Variants in RELN observed in about 807,000 individuals in gnomAD.
RELN encodes the protein reelin.
A neutral mutation model predicts 427.6 loss-of-function variants in RELN; 108 were observed. The ratio of observed to expected loss-of-function variants is 0.25; its 90% CI spans 0.22 to 0.30. The LOEUF (loss-of-function observed/expected upper bound fraction) is 0.30, where lower values mean the gene tolerates loss of function less well. RELN is among the 10% of genes least tolerant of loss of function. RELN has a pLI of 1.00. For missense variants in RELN, 3,715 were observed against 4,302.8 expected, an observed-to-expected ratio of 0.86 and a Z score of 3.82; for synonymous variants, 1,524 against 1,513.4, an observed-to-expected ratio of 1.01 and a Z score of -0.16.
At chr7:103,499,608 T>TA (rs1209746894) in intron 53 of RELN, among the ~76,000 whole-genome samples, 1 of 152,232 alleles carries the variant, frequency 6.6e-6, no homozygotes, top group African/African-American at 2.4e-5. Context: ...ACTTAGAAGA[T>TA]AATCAATTCT....
At chr7:103,785,668 A>T (rs262355) in intron 3 of RELN, among the ~76,000 whole-genome samples, 102,075 of 151,928 alleles carry the variant, frequency 0.67, 34,555 homozygotes, top group Middle Eastern at 0.74. Flanking sequence ...ACCACAGCTC[A>T]ATGATTTATG....
At chr7:103,833,824 G>GAAAT (rs1793333013) in intron 2 of RELN, 152 bp from the exon 3 acceptor site, 1 of 740,476 alleles carries the variant, frequency 1.4e-6, no homozygotes, top group Non-Finnish European at 2.3e-6. Context: ...ACTTTTTATT[G>GAAAT]CTACAGGGAA....
At chr7:103,813,681 T>C (rs1006455818) in intron 3 of RELN, among the ~76,000 whole-genome samples, 2 of 152,140 alleles carry the variant, frequency 1.3e-5, no homozygotes, top group African/African-American at 4.8e-5. Context: ...TCTTATGCCA[T>C]GAGCATAGCA....
At chr7:103,782,287 A>G (rs528604796) in intron 3 of RELN, among the ~76,000 whole-genome samples, 2 of 152,178 alleles carry the variant, frequency 1.3e-5, no homozygotes, top group African/African-American at 4.8e-5. Flanking sequence ...AAAGCATTTA[A>G]GAATTAAGCG....
In RELN at chr7:103,988,511, A is replaced by G. The variant is rs1294809639; in HGVS notation, c.226+620T>C. Among the ~76,000 whole-genome samples, 1 of 152,256 alleles carries G rather than the reference A, an allele frequency of 6.6e-6. No homozygotes were observed. Among genetic ancestry groups the G allele is most frequent in the Non-Finnish European group, 1.5e-5 (1 of 68,046 alleles). On this transcript the variant is annotated intron_variant, in intron 1 of 64. Coordinates refer to ENST00000428762, the MANE Select transcript of RELN (RefSeq NM_005045.4). This position sits in a 1 kb window ranked among gnomAD's most constrained non-coding sequence, Gnocchi z 4.9. ...AAGGCAGGAATCAGAAAAATCATCAATTACTGACATATTAAATCACACTTT... is the reference window on the plus strand; with the variant it reads ...AAGGCAGGAATCAGAAAAATCATCAGTTACTGACATATTAAATCACACTTT...
In RELN at chr7:103,649,125, A is replaced by G. The variant is rs147944043; in HGVS notation, c.2002+1149T>C. 2.6e-5 allele frequency among the ~76,000 whole-genome samples: 4 copies of G among 152,140 alleles called. No homozygotes were observed. The East Asian group carries it at 7.7e-4, about 29-fold the overall frequency. ...AAAAGAAACCAGTATATTAAAGGGA[A>G]ACCTTTACTTGTATGTTTATTGCAG... On this transcript the variant is annotated intron_variant, in intron 16 of 64. Transcript: ENST00000428762.
rs548455401 is a variant in RELN, at chr7:103,968,489, GA to G, written c.226+20641del. ...GTGGCCTATGAGAAATTAGGGGACA[GA>G]AAAAAAAATAAAAGTATGAAAGAAA... On this transcript the variant is annotated intron_variant, in intron 1 of 64. Transcript: ENST00000428762. This position sits in a 1 kb window ranked among gnomAD's most constrained non-coding sequence, Gnocchi z 4.3. Among the ~76,000 whole-genome samples, 3 of 149,138 alleles carry G rather than the reference GA, an allele frequency of 2.0e-5. No homozygotes were observed. Among genetic ancestry groups the G allele is most frequent in the African/African-American group, 2.5e-5 (1 of 40,544 alleles).
At chr7:103,915,034 T>C (rs1000571937) in intron 2 of RELN, among the ~76,000 whole-genome samples, 1 of 152,158 alleles carries the variant, frequency 6.6e-6, no homozygotes, top group Non-Finnish European at 1.5e-5. Flanking sequence ...ATATCCTGAA[T>C]GGTCTGGCTC....
intron 28 of RELN, among the ~76,000 whole-genome samples, chr7:103,585,889 G>A (rs1214576513): frequency 1.3e-5 from 2 of 152,120 alleles, no homozygotes; most frequent in African/African-American, 4.8e-5. Flanking sequence ...ATGGATGTAA[G>A]GATAGTTCAA....
intron 3 of RELN, among the ~76,000 whole-genome samples, chr7:103,802,932 T>C (rs1792504945): frequency 6.6e-6 from 1 of 152,150 alleles, no homozygotes. Flanking sequence ...TCACATGAAG[T>C]AAATCAACAG....
intron 8 of RELN, among the ~76,000 whole-genome samples, chr7:103,721,711 C>A (rs1790081227): frequency 6.6e-6 from 1 of 152,078 alleles, no homozygotes; most frequent in African/African-American, 2.4e-5. Flanking sequence ...CTCTTGTGTT[C>A]TTTAATTGCT....
At chr7:103,522,852 C>CAGACACACACACACACAT (rs1554369904) in intron 47 of RELN, among the ~76,000 whole-genome samples, 2 of 150,488 alleles carry the variant, frequency 1.3e-5, no homozygotes, top group African/African-American at 2.4e-5. Flanking sequence ...CACACACACA[C>CAGACACACACACACACAT]CCCCACACCT....
intron 1 of RELN, among the ~76,000 whole-genome samples, chr7:103,945,696 A>G (rs1478783028): frequency 3.3e-5 from 5 of 152,218 alleles, no homozygotes; most frequent in Admixed American, 6.5e-5. Context: ...TTTGAGTACA[A>G]TCAAGAGCCA....
rs1364895462 is a variant in RELN at position 103,835,291 on chromosome 7, G to T, written c.338-1619C>A. Among the ~76,000 whole-genome samples the T allele has an allele frequency of 2.2e-4, 33 of 152,238 alleles. 1 individual carries two copies. The highest frequency in any genetic ancestry group is 4.4e-5 in the Non-Finnish European group (3 of 68,040). On this transcript the variant is annotated intron_variant, in intron 2 of 64. Transcript: ENST00000428762. ...AGATCAGGAGTTGCCAGGAGTTAAA[G>T]AGGGAGGTAGGATGAACAGAAAGGG...
intron 24 of RELN, among the ~76,000 whole-genome samples, chr7:103,602,293 C>T (rs1467465364): frequency 6.6e-6 from 1 of 152,042 alleles, no homozygotes; most frequent in Non-Finnish European, 1.5e-5. Flanking sequence ...CTTCAAAAAT[C>T]ACTAGAAATA....
In RELN at chr7:103,603,309, T is replaced by G. The variant is rs757668683; in HGVS notation, c.3328A>C (p.Ser1110Arg). 2.5e-6 allele frequency: 4 copies of G among 1,613,536 alleles called. No homozygotes were observed. The African/African-American group carries it at 4.0e-5, about 16-fold the overall frequency. ...VISSGSSLYF[S>R]KAGKRQLVSW... The stretch of plus-strand genomic sequence containing the variant: ...ATCCCAGCTGTTGGTCATACCTTGC[T>G]GAAGTACAGAGATGATCCAGAAGAG... Residue 1110 changes from serine (S) to arginine (R), a missense_variant, in exon 24 of 65, where the codon AGC becomes CGC. This residue lies in a region of RELN where 2,208 missense variants were observed against 2,361.7 expected (regional missense o/e 0.93). Coordinates refer to ENST00000428762, the MANE Select transcript of RELN (RefSeq NM_005045.4). This position sits in a 1 kb window ranked among gnomAD's most constrained non-coding sequence, Gnocchi z 4.3.
chr7:103,674,969 A>T (rs777972597), intron 11 of RELN, among the ~76,000 whole-genome samples: 22 of 152,182 alleles, frequency 1.4e-4, no homozygotes, highest in Non-Finnish European at 2.4e-4. Flanking sequence ...CCCTTTGAAA[A>T]CTAGCACAAG....
At chr7:103,754,973 A>T (rs778158077) in intron 4 of RELN, among the ~76,000 whole-genome samples, 3 of 152,182 alleles carry the variant, frequency 2.0e-5, no homozygotes, top group Non-Finnish European at 4.4e-5. Context: ...TACGAAGAAC[A>T]TCCTGCTATT....
intron 1 of RELN, among the ~76,000 whole-genome samples, chr7:103,939,363 CAT>C (rs2116731579): frequency 6.6e-6 from 1 of 152,250 alleles, no homozygotes; most frequent in Non-Finnish European, 1.5e-5. Context: ...GTTCAATAAA[CAT>C]ATAAAAATAT....
Sources: gnomAD v4.1 joint callset for allele counts (sites outside exome capture counted in the v4.1 genomes callset) on GRCh38, gnomAD v4.1.1 for gene constraint, gnomAD v4.1.1 regional missense constraint, Gnocchi (gnomAD v3.1) non-coding constraint, MANE v1.5 for transcripts, NCBI Gene and HGNC (gene_info 2026-07-23, HGNC 2026-07-21) for gene names.